The following CFAP57 variants were observed in gnomAD, a reference collection of about 807,000 sequenced individuals.
CFAP57 encodes cilia- and flagella-associated protein 57.
CFAP57 carries 116 observed loss-of-function variants against 146.8 expected under a neutral mutation model. The ratio of observed to expected loss-of-function variants is 0.79; its 90% confidence interval spans 0.68 to 0.92. The LOEUF (loss-of-function observed/expected upper bound fraction) is 0.92. CFAP57 is among the 40% of genes least tolerant of loss of function. CFAP57 has a pLI of 0.00. For missense variants in CFAP57, 1,377 were observed against 1,527.2 expected (o/e 0.90, Z 1.64); for synonymous variants, 518 against 552.8 (o/e 0.94, Z 0.88).
intron 9 of CFAP57, 21 bp downstream of exon 9, chr1:43,199,524 T>C (rs939085530): frequency 1.2e-6 from 2 of 1,612,044 alleles, no homozygotes; most frequent in African/African-American, 2.7e-5. Context: ...GAACAGTCTC[T>C]GGGGAAACAA....
At chr1:43,231,879 A>G (rs1249253274) in intron 18 of CFAP57, among the ~76,000 whole-genome samples, 4 of 152,154 alleles carry the variant, frequency 2.6e-5, no homozygotes, top group Non-Finnish European at 4.4e-5. Flanking sequence ...TCTAAAAAAA[A>G]TGTATTTCAG....
chr1:43,200,267 C>T (rs1644060048), intron 9 of CFAP57, among the ~76,000 whole-genome samples: 2 of 152,010 alleles, frequency 1.3e-5, no homozygotes, highest in South Asian at 2.1e-4. Flanking sequence ...AGGAGGATCG[C>T]TTGCACTCAG....
In CFAP57 at chr1:43,181,649, C is replaced by T. The variant is rs774548565; in HGVS notation, c.273C>T (p.Ser91=). Residue 91 remains serine, a synonymous_variant, in exon 3 of 23, where the codon TCC becomes TCT. Transcript: ENST00000372492. ...CCATCACCATTTATGAATTGTCATCCATCCCTTGCCGGAAGCGCAAAGTTC... is the reference window on the plus strand; with the variant it reads ...CCATCACCATTTATGAATTGTCATCTATCCCTTGCCGGAAGCGCAAAGTTC... ...KPAITIYELS[S]IPCRKRKVLN... The T allele has an allele frequency of 1.2e-6, 2 of 1,614,108 alleles. No homozygotes were observed. Among genetic ancestry groups the T allele is most frequent in the African/African-American group, 2.7e-5 (2 of 74,930 alleles).
At chr1:43,186,901 C>T in intron 6 of CFAP57, 42 bp downstream of exon 6, 1 of 1,612,636 alleles carries the variant, frequency 6.2e-7, no homozygotes, top group Non-Finnish European at 8.5e-7. Flanking sequence ...CAGGACCTAT[C>T]TGCCTGCTGG....
intron 22 of CFAP57, among the ~76,000 whole-genome samples, chr1:43,248,214 A>G (rs1308844475): frequency 6.6e-6 from 1 of 151,612 alleles, no homozygotes; most frequent in African/African-American, 2.4e-5. Context: ...TTCTCATACA[A>G]ACTTACTATC....
At chr1:43,221,497 G>C in intron 14 of CFAP57, 32 bp downstream of exon 14, 1 of 1,436,658 alleles carries the variant, frequency 7.0e-7, no homozygotes, top group Non-Finnish European at 9.3e-7. Context: ...TCGTTGGTTA[G>C]GGTTGGAAGA....
In CFAP57 at chr1:43,231,187, C is replaced by A. The variant is rs763320128; in HGVS notation, c.3010-1321C>A. On this transcript the variant is annotated intron_variant, in intron 18 of 22. Coordinates refer to ENST00000372492, the MANE Select transcript of CFAP57 (RefSeq NM_001378189.1). ...AGGGCTATTCTGTCTATACAAAATG[C>A]TTCCAGTAATGAGGAAAACCTTCTA... Among the ~76,000 whole-genome samples, 118 of 152,178 alleles carry A rather than the reference C, an allele frequency of 7.8e-4. 2 individuals carry two copies. The highest frequency in any genetic ancestry group is 2.9e-4 in the Non-Finnish European group (20 of 68,040).
intron 2 of CFAP57, 102 bp downstream of exon 2, chr1:43,173,012 A>C: frequency 9.8e-7 from 1 of 1,024,322 alleles, no homozygotes. Context: ...GGCCAATTTG[A>C]ATATATATGC....
intron 22 of CFAP57, among the ~76,000 whole-genome samples, chr1:43,253,423 A>C (rs1646369744): frequency 6.6e-6 from 1 of 152,218 alleles, no homozygotes; most frequent in African/African-American, 2.4e-5. Flanking sequence ...CTGCAAGTTC[A>C]GCCTTGCGGG....
chr1:43,176,866 G>A (rs564358066), intron 2 of CFAP57, among the ~76,000 whole-genome samples: 1 of 152,186 alleles, frequency 6.6e-6, no homozygotes, highest in Non-Finnish European at 1.5e-5. Flanking sequence ...GCTGATGTGG[G>A]AGGGCAGGGG....
At chr1:43,240,982 C>T (rs902765929) in intron 21 of CFAP57, among the ~76,000 whole-genome samples, 1 of 152,132 alleles carries the variant, frequency 6.6e-6, no homozygotes, top group African/African-American at 2.4e-5. Flanking sequence ...GTACAGGCAC[C>T]CGCCACCACG....
At position 43,172,467 on chromosome 1, in the gene CFAP57, C is replaced by T; in HGVS notation, c.-20+14C>T. 2 of 1,542,570 alleles carry T rather than the reference C, an allele frequency of 1.3e-6. No homozygotes were observed. ...GAGAAACGAAAGGTGGGAGGGGGTA[C>T]CTGGGGGTCGCCAGAAGGAGCTGGT... On this transcript the variant is annotated intron_variant, in intron 1 of 22. Transcript: ENST00000372492.
At chr1:43,198,871 C>T (rs1025722211) in intron 8 of CFAP57, among the ~76,000 whole-genome samples, 25 of 152,168 alleles carry the variant, frequency 1.6e-4, no homozygotes, top group East Asian at 1.9e-4. Context: ...TTTCATTGAA[C>T]CTAAAACCTT....
chr1:43,251,041 G>A (rs1280673185), intron 22 of CFAP57, among the ~76,000 whole-genome samples: 5 of 152,306 alleles, frequency 3.3e-5, no homozygotes, highest in East Asian at 3.9e-4. Flanking sequence ...AGAGAGAGAC[G>A]GAAATTCACC....
Position 43,172,866 on chromosome 1 carries a change from G to A in CFAP57, c.113G>A (p.Cys38Tyr), listed in dbSNP as rs753034229. ...ATTATATTTCCTTCAGGAAATCACT[G>A]TGTGAAGTACAATGTGGATCAGAAA... ...QIIIFPSGNH[C>Y]VKYNVDQKWQ... is the part of the protein sequence containing the mutation. Residue 38 changes from cysteine (C) to tyrosine (Y), a missense_variant, in exon 2 of 23, where the codon TGT becomes TAT. Transcript: ENST00000372492. 1.9e-5 allele frequency: 31 copies of A among 1,614,064 alleles called. No individual in the cohort carries two copies. The Middle Eastern group carries it at 8.2e-4, about 43-fold the overall frequency.
rs188033642 is a variant in CFAP57 at position 43,196,069 on chromosome 1, C to G, written c.1123-1484C>G. Among the ~76,000 whole-genome samples the G allele has an allele frequency of 4.6e-5, 7 of 152,284 alleles. No homozygotes were observed. In the East Asian group the frequency reaches 9.7e-4, roughly 21 times the overall value. On this transcript the variant is annotated intron_variant, in intron 6 of 22. Coordinates refer to ENST00000372492, the MANE Select transcript of CFAP57 (RefSeq NM_001378189.1). ...AAAGGAGAATAAACAGTATGAAATA[C>G]TTATCTTGGATATTTAGAATGTGAA...
chr1:43,186,684 T>G (rs773449264), intron 5 of CFAP57, 23 bp from the exon 6 acceptor site: 50 of 1,612,136 alleles, frequency 3.1e-5, no homozygotes, highest in Non-Finnish European at 4.1e-5. Context: ...ACATTACTGA[T>G]AGCTGTTTTG....
At chr1:43,249,007 G>A (rs1036291905) in intron 22 of CFAP57, among the ~76,000 whole-genome samples, 6 of 150,044 alleles carry the variant, frequency 4.0e-5, no homozygotes, top group South Asian at 4.2e-4. Flanking sequence ...TCAGCCTCCC[G>A]AGCAGCTGGG....
rs1642984180 is a variant in CFAP57, at chr1:43,185,375, AAAG to A, written c.969+23_969+25del. 5.6e-6 allele frequency: 9 copies of A among 1,611,936 alleles called. No individual in the cohort carries two copies. The highest frequency in any genetic ancestry group is 1.3e-5 in the African/African-American group (1 of 74,944). ...AATCAGGGTAAGGCGGGAAGAAAAA[AAAG>A]AAGTAAAATGGGGGTCCTATTGGCA... On this transcript the variant is annotated intron_variant, in intron 5 of 22. Coordinates refer to ENST00000372492, the MANE Select transcript of CFAP57 (RefSeq NM_001378189.1).
Sources: gnomAD v4.1 joint callset for allele counts (sites outside exome capture counted in the v4.1 genomes callset) on GRCh38, gnomAD v4.1.1 for gene constraint, MANE v1.5 for transcripts, NCBI Gene and HGNC (gene_info 2026-07-23, HGNC 2026-07-21) for gene names.